The following GPHN variants were observed in gnomAD, a reference collection of about 807,000 sequenced individuals.
The protein encoded by GPHN is gephyrin.
A neutral mutation model predicts 95.5 loss-of-function variants in GPHN; 17 were observed. The ratio of observed to expected loss-of-function variants is 0.18; its 90% CI spans 0.12 to 0.27. The LOEUF (loss-of-function observed/expected upper bound fraction) is 0.27. GPHN is among the 10% of genes least tolerant of loss of function. GPHN has a pLI of 1.00. For missense variants in GPHN, 660 were observed against 978.1 expected, an observed-to-expected ratio of 0.67 and a Z score of 4.34; for synonymous variants, 320 against 322.5, an observed-to-expected ratio of 0.99 and a Z score of 0.08.
the GPHN span, among the ~76,000 whole-genome samples, chr14:67,515,976 A>G: frequency 3.6e-4 from 55 of 152,216 alleles, no homozygotes; most frequent in Non-Finnish European, 7.8e-4. Context: ...TTTGCTTTAT[A>G]CCATAAAGGT....
the GPHN span, chr14:67,678,106 C>T: frequency 6.1e-6 from 3 of 490,964 alleles, no homozygotes; most frequent in East Asian, 7.2e-5. Flanking sequence ...TCTAGTAACT[C>T]TGGCAGTAAC....
chr14:66,833,384 C>T (rs1283443002), intron 4 of GPHN, among the ~76,000 whole-genome samples: 1 of 152,048 alleles, frequency 6.6e-6, no homozygotes, highest in Non-Finnish European at 1.5e-5. Context: ...ATTATTAGTA[C>T]CTCCCACCAA....
At chr14:67,255,177 T>C in the GPHN span, among the ~76,000 whole-genome samples, 799 of 152,154 alleles carry the variant, frequency 5.3e-3, 2 homozygotes, top group Non-Finnish European at 8.1e-3. Context: ...GAATCTCTTA[T>C]AATGCTTTTT....
chr14:66,840,776 C>A (rs563996200), intron 4 of GPHN, among the ~76,000 whole-genome samples: 1 of 149,924 alleles, frequency 6.7e-6, no homozygotes, highest in East Asian at 1.9e-4. Flanking sequence ...CAGGATTTGG[C>A]CCTTGGGCTG....
intron 1 of GPHN, among the ~76,000 whole-genome samples, chr14:66,510,381 T>C (rs1200020918): frequency 6.6e-6 from 1 of 152,234 alleles, no homozygotes; most frequent in Non-Finnish European, 1.5e-5. Context: ...CTACTTAAGC[T>C]TTCCATTAAA....
the GPHN span, among the ~76,000 whole-genome samples, chr14:67,260,372 A>G: frequency 6.6e-6 from 1 of 152,198 alleles, no homozygotes; most frequent in Non-Finnish European, 1.5e-5. Context: ...TTCTTTGGTC[A>G]AAAAGATTAA....
chr14:67,301,705 G>C, the GPHN span, among the ~76,000 whole-genome samples: 1 of 151,898 alleles, frequency 6.6e-6, no homozygotes, highest in Non-Finnish European at 1.5e-5. Context: ...TCCCCCCTTT[G>C]GTTGTATTTT....
At chr14:66,836,278 A>T (rs1404713300) in intron 4 of GPHN, among the ~76,000 whole-genome samples, 1 of 137,160 alleles carries the variant, frequency 7.3e-6, no homozygotes, top group East Asian at 2.2e-4. Context: ...GAGCCCTCAG[A>T]AATAACACCG....
chr14:66,688,835 G>T (rs2153404617), intron 2 of GPHN, among the ~76,000 whole-genome samples: 1 of 143,810 alleles, frequency 7.0e-6, no homozygotes, highest in Non-Finnish European at 1.5e-5. Context: ...AACACCGCAT[G>T]TTCTCACTCA....
rs1596503243 is a variant in GPHN, at chr14:66,956,952, T to C, written c.829-8239T>C. Among the ~76,000 whole-genome samples, 4 of 99,902 alleles carry C rather than the reference T, an allele frequency of 4.0e-5. 1 individual carries two copies. Among genetic ancestry groups the C allele is most frequent in the African/African-American group, 1.6e-4 (4 of 24,528 alleles). 65.5% of individuals were successfully genotyped at this position (99,902 alleles called of 152,430 possible). On this transcript the variant is annotated intron_variant, in intron 8 of 22. Coordinates refer to ENST00000478722, the MANE Select transcript of GPHN (RefSeq NM_020806.5). ...ACACAGGAAGGGGAATATCACACTC[T>C]GGGGACTGTTGTGGGGTGGGGGGAG...
chr14:67,279,078 G>A, the GPHN span: 9 of 863,770 alleles, frequency 1.0e-5, no homozygotes, highest in Admixed American at 4.5e-5. Context: ...TTTTTTTTTT[G>A]AAGTAACATG....
chr14:67,061,302 A>G (rs1225764128), intron 11 of GPHN, among the ~76,000 whole-genome samples: 2 of 152,046 alleles, frequency 1.3e-5, no homozygotes, highest in African/African-American at 4.8e-5. Context: ...CGACCTCTCA[A>G]AGTGCTCACA....
the GPHN span, among the ~76,000 whole-genome samples, chr14:67,404,552 G>C: frequency 7.2e-5 from 11 of 152,126 alleles, no homozygotes; most frequent in Non-Finnish European, 2.9e-5. Context: ...ATTCACACCT[G>C]TAATCCCAGC....
the GPHN span, chr14:67,292,834 A>T: frequency 1.3e-6 from 1 of 769,314 alleles, no homozygotes. Context: ...AATTACTGTT[A>T]ATTACATGTT....
At chr14:66,604,258 TC>T (rs2062401921) in intron 1 of GPHN, among the ~76,000 whole-genome samples, 1 of 152,164 alleles carries the variant, frequency 6.6e-6, no homozygotes, top group Non-Finnish European at 1.5e-5. Flanking sequence ...TTTGTAAACA[TC>T]TACAGCAGGA....
At chr14:67,424,427 G>A in the GPHN span, among the ~76,000 whole-genome samples, 1 of 151,666 alleles carries the variant, frequency 6.6e-6, no homozygotes, top group African/African-American at 2.4e-5. Context: ...AGACCAGCCT[G>A]GACAACATGA....
intron 8 of GPHN, among the ~76,000 whole-genome samples, chr14:66,963,913 G>C (rs2069139695): frequency 6.6e-6 from 1 of 152,136 alleles, no homozygotes; most frequent in Admixed American, 6.5e-5. Context: ...TAGTCACAAA[G>C]TCTGGCTGTT....
At chr14:67,104,486 C>A (rs1002516102) in intron 13 of GPHN, among the ~76,000 whole-genome samples, 1 of 152,098 alleles carries the variant, frequency 6.6e-6, no homozygotes, top group African/African-American at 2.4e-5. Flanking sequence ...GTCATCAGAT[C>A]TTGGGCTTTT....
chr14:67,169,170 T>C lies in GPHN; in HGVS notation c.2079+134T>C, dbSNP rs1230246620. 4.3e-6 allele frequency: 3 copies of C among 693,870 alleles called. No homozygotes were observed. In the Admixed American group the frequency reaches 6.5e-5, roughly 15 times the overall value. The allele number at this position is 693,870 out of a possible 1,614,324, so 43.0% of individuals were successfully genotyped here. A position where few individuals can be genotyped will look rare whatever the true frequency, so the allele number is the denominator to read the frequency against. On this transcript the variant is annotated intron_variant, in intron 21 of 22. Transcript: ENST00000478722. ...GGAAAATGTGATTATATTCTCCCCCTGTGTACTAGAAAATGTAGGAGAAAG... is the reference window on the plus strand; with the variant it reads ...GGAAAATGTGATTATATTCTCCCCCCGTGTACTAGAAAATGTAGGAGAAAG...
Sources: gnomAD v4.1 joint callset for allele counts (sites outside exome capture counted in the v4.1 genomes callset) on GRCh38, gnomAD v4.1.1 for gene constraint, MANE v1.5 for transcripts, NCBI Gene and HGNC (gene_info 2026-07-23, HGNC 2026-07-21) for gene names.